Variants in DTNB observed in about 807,000 individuals in gnomAD.
DTNB encodes DTN-B.
In DTNB, 63 loss-of-function variants were observed where a neutral mutation model predicts 90.7. The observed-to-expected ratio is 0.69, with a 90% CI of 0.57 to 0.86. The LOEUF (loss-of-function observed/expected upper bound fraction) is 0.86. DTNB is among the 40% of genes least tolerant of loss of function. The pLI, the probability that DTNB is intolerant of heterozygous loss-of-function variation, is 0.00. For missense variants in DTNB, 744 were observed against 807.1 expected (o/e 0.92, Z 0.95); for synonymous variants, 277 against 286.7 (o/e 0.97, Z 0.34).
chr2:25,550,418 AAAC>A (rs2083409709), intron 8 of DTNB, among the ~76,000 whole-genome samples: 2 of 151,896 alleles, frequency 1.3e-5, no homozygotes, highest in Admixed American at 1.3e-4. Flanking sequence ...CAAAACAAAC[AAAC>A]AAAAAAAAAC....
intron 9 of DTNB, among the ~76,000 whole-genome samples, chr2:25,493,914 C>A (rs1412478920): frequency 3.3e-5 from 5 of 152,110 alleles, no homozygotes; most frequent in Non-Finnish European, 5.9e-5. Context: ...TAATTTATAA[C>A]CAAATACATG....
chr2:25,527,968 C>G (rs1307690842), intron 9 of DTNB, among the ~76,000 whole-genome samples: 1 of 152,144 alleles, frequency 6.6e-6, no homozygotes, highest in African/African-American at 2.4e-5. Flanking sequence ...AGGGAAGTTA[C>G]AGGCCAGTTT....
intron 4 of DTNB, among the ~76,000 whole-genome samples, chr2:25,612,954 A>T (rs2069042666): frequency 6.6e-6 from 1 of 152,180 alleles, no homozygotes; most frequent in Admixed American, 6.5e-5. Context: ...AAAGCTCCTC[A>T]TTCTGAAGGC....
Position 25,637,070 on chromosome 2 carries a change from T to C in DTNB, c.148+1944A>G, listed in dbSNP as rs376751780. Among the ~76,000 whole-genome samples, 6 of 152,278 alleles carry C rather than the reference T, an allele frequency of 3.9e-5. No individual in the cohort carries two copies. In the South Asian group the frequency reaches 1.0e-3, roughly 26 times the overall value. The stretch of plus-strand genomic sequence containing the variant: ...ATAATAGCACACATCTACAACCATC[T>C]GATCTTTGACAAACCTGACGAAAAC... On this transcript the variant is annotated intron_variant, in intron 3 of 20. Coordinates refer to ENST00000406818, the MANE Select transcript of DTNB (RefSeq NM_021907.5).
intron 8 of DTNB, among the ~76,000 whole-genome samples, chr2:25,560,112 G>C (rs1358995812): frequency 6.6e-6 from 1 of 152,252 alleles, no homozygotes; most frequent in African/African-American, 2.4e-5. Flanking sequence ...AGCTAGGCAT[G>C]TTGGCGCATG....
intron 5 of DTNB, chr2:25,598,901 T>C (rs756246411): frequency 2.0e-5 from 3 of 152,058 alleles, no homozygotes; most frequent in Non-Finnish European, 4.4e-5. Flanking sequence ...GGAAGAGTAT[T>C]TCTGTTATAA....
chr2:25,637,670 T>C (rs2077397111), intron 3 of DTNB, among the ~76,000 whole-genome samples: 3 of 152,148 alleles, frequency 2.0e-5, no homozygotes, highest in African/African-American at 7.2e-5. Context: ...TACCATCTCA[T>C]GCCAGTTAGA....
chr2:25,433,778 G>A, intron 13 of DTNB, 132 bp downstream of exon 13: 1 of 939,120 alleles, frequency 1.1e-6, no homozygotes. Context: ...CTGGACTTGG[G>A]CTAGCCTAGG....
chr2:25,625,395 A>C (rs1284870668), intron 4 of DTNB, among the ~76,000 whole-genome samples: 2 of 152,180 alleles, frequency 1.3e-5, no homozygotes, highest in Admixed American at 1.3e-4. Flanking sequence ...TTAAGCTTCC[A>C]GATAGCCAAA....
chr2:25,672,203 CAAAAAAAAAAAAAAAAAAA>C lies in DTNB; in HGVS notation c.-2+1164_-2+1182del, dbSNP rs5829985. Among the ~76,000 whole-genome samples, 21 of 42,474 alleles carry C rather than the reference CAAAAAAAAAAAAAAAAAAA, an allele frequency of 4.9e-4. No homozygotes were observed. The East Asian group carries it at 8.6e-3, about 17-fold the overall frequency. 27.9% of individuals were successfully genotyped at this position (42,474 alleles called of 152,430 possible). On this transcript the variant is annotated intron_variant, in intron 1 of 20. Coordinates refer to ENST00000406818, the MANE Select transcript of DTNB (RefSeq NM_021907.5). The stretch of plus-strand genomic sequence containing the variant: ...TCAGAACCGGGGTTGCCTCGCATAG[CAAAAAAAAAAAAAAAAAAA>C]AAAAAAAAAAAAGAGGCAGAGAGAG...
At chr2:25,558,904 G>A (rs200535456) in intron 8 of DTNB, among the ~76,000 whole-genome samples, 6 of 152,126 alleles carry the variant, frequency 3.9e-5, no homozygotes, top group East Asian at 3.9e-4. Flanking sequence ...TCTGGTCAAC[G>A]AAGCAGTCAC....
intron 8 of DTNB, among the ~76,000 whole-genome samples, chr2:25,565,210 T>G (rs2058836874): frequency 6.6e-6 from 1 of 152,148 alleles, no homozygotes; most frequent in Non-Finnish European, 1.5e-5. Context: ...CTTTCAGTCT[T>G]TCACTATTAA....
intron 8 of DTNB, among the ~76,000 whole-genome samples, chr2:25,542,372 G>C (rs998269975): frequency 2.6e-5 from 4 of 152,210 alleles, no homozygotes; most frequent in African/African-American, 9.6e-5. Flanking sequence ...AATAAAACCA[G>C]TGTGGTCATG....
intron 4 of DTNB, among the ~76,000 whole-genome samples, chr2:25,627,812 C>T (rs1376553988): frequency 6.6e-6 from 1 of 151,088 alleles, no homozygotes; most frequent in Non-Finnish European, 1.5e-5. Flanking sequence ...TCTCTGCTCA[C>T]TGCAACCTCT....
chr2:25,470,800 TG>T (rs2062655059), intron 10 of DTNB, among the ~76,000 whole-genome samples: 3 of 152,286 alleles, frequency 2.0e-5, no homozygotes, highest in Non-Finnish European at 4.4e-5. Context: ...CTCAGATCCA[TG>T]GGGCAAGCAA....
intron 4 of DTNB, among the ~76,000 whole-genome samples, chr2:25,615,630 G>A (rs1242571784): frequency 1.3e-5 from 2 of 152,090 alleles, no homozygotes; most frequent in African/African-American, 4.8e-5. Context: ...TCAGGAACCC[G>A]GGCAGCGATC....
At chr2:25,434,489 C>T (rs2055034295) in intron 12 of DTNB, among the ~76,000 whole-genome samples, 1 of 149,802 alleles carries the variant, frequency 6.7e-6, no homozygotes, top group South Asian at 2.1e-4. Flanking sequence ...CAGCTCACTG[C>T]ACTCTTGAAC....
Position 25,662,681 on chromosome 2 carries a change from AACACACACACACACACAC to A in DTNB, c.-1-10038_-1-10021del, listed in dbSNP as rs35136841. ...ACACACACACACACACACACACACA[AACACACACACACACACAC>A]ACACACACAGCAAAAGTATAAAGAA... On this transcript the variant is annotated intron_variant, in intron 1 of 20. Coordinates refer to ENST00000406818, the MANE Select transcript of DTNB (RefSeq NM_021907.5). Among the ~76,000 whole-genome samples, 183 of 104,530 alleles carry A rather than the reference AACACACACACACACACAC, an allele frequency of 1.8e-3. 5 individuals are homozygous for A. The highest frequency in any genetic ancestry group is 2.6e-4 in the Non-Finnish European group (13 of 49,708). The allele number at this position is 104,530 out of a possible 152,430, so 68.6% of individuals were successfully genotyped here. A position where few individuals can be genotyped will look rare whatever the true frequency, so the allele number is the denominator to read the frequency against.
chr2:25,488,442 G>A (rs952792221), intron 9 of DTNB, among the ~76,000 whole-genome samples: 2 of 152,162 alleles, frequency 1.3e-5, no homozygotes, highest in African/African-American at 2.4e-5. Context: ...GAATGAGCAG[G>A]AAGATAAGAG....
Sources: gnomAD v4.1 joint callset for allele counts (sites outside exome capture counted in the v4.1 genomes callset) on GRCh38, gnomAD v4.1.1 for gene constraint, MANE v1.5 for transcripts, NCBI Gene and HGNC (gene_info 2026-07-23, HGNC 2026-07-21) for gene names.